CAP2: variants seen among roughly 807,000 people sequenced by gnomAD.
CAP2 encodes the protein cyclase associated actin cytoskeleton regulatory protein 2.
A neutral mutation model predicts 57.7 loss-of-function variants in CAP2; 24 were observed. That is an observed-to-expected ratio of 0.42 (90% CI 0.30 to 0.58). The LOEUF (loss-of-function observed/expected upper bound fraction) is 0.58, where lower values mean the gene tolerates loss of function less well. CAP2 is among the 20% of genes least tolerant of loss of function. The pLI, the probability that CAP2 is intolerant of heterozygous loss-of-function variation, is 0.22. For synonymous variants in CAP2, 194 were observed against 207.2 expected (o/e 0.94, Z 0.55); for missense variants, 501 against 590.3 (o/e 0.85, Z 1.57).
In CAP2 at chr6:17,460,925, A is replaced by T. The variant is rs560171730; in HGVS notation, c.223-2071A>T. Among the ~76,000 whole-genome samples the T allele has an allele frequency of 1.4e-3, 214 of 152,310 alleles. 1 individual carries two copies. The highest frequency in any genetic ancestry group is 2.7e-3 in the Non-Finnish European group (186 of 68,024). On this transcript the variant is annotated intron_variant, in intron 3 of 12. Coordinates refer to ENST00000229922, the MANE Select transcript of CAP2 (RefSeq NM_006366.3). ...CACTTTGGGAGACCAAGACAGGAGG[A>T]TCGCTTGAGCACAAGAGTTTGAGAC...
intron 4 of CAP2, 66 bp downstream of exon 4, chr6:17,463,139 G>T: frequency 1.8e-6 from 2 of 1,113,506 alleles, no homozygotes; most frequent in Non-Finnish European, 2.7e-6. Flanking sequence ...AAAACAAGGA[G>T]GCAACAGAAG....
chr6:17,431,287 C>T (rs1759725762), intron 3 of CAP2, among the ~76,000 whole-genome samples: 2 of 151,916 alleles, frequency 1.3e-5, no homozygotes, highest in South Asian at 4.2e-4. Flanking sequence ...TGTATGTGTA[C>T]CCCTGAACCT....
At position 17,466,725 on chromosome 6, in the gene CAP2, A is replaced by T. The variant is rs573185779; in HGVS notation, c.300+3652A>T. 3.9e-5 allele frequency among the ~76,000 whole-genome samples: 6 copies of T among 152,328 alleles called. No individual in the cohort carries two copies. In the South Asian group the frequency reaches 1.2e-3, roughly 32 times the overall value. On this transcript the variant is annotated intron_variant, in intron 4 of 12. Transcript: ENST00000229922. ...GAGCAGCAAGACTTTAGTCATTGCC[A>T]TCCACAATCCCAACAAGCACAGAAT...
At chr6:17,510,818 C>T (rs543959392) in intron 6 of CAP2, among the ~76,000 whole-genome samples, 2 of 152,280 alleles carry the variant, frequency 1.3e-5, no homozygotes, top group East Asian at 3.9e-4. Context: ...TCAAGCACTA[C>T]CTAGGTTTCT....
intron 1 of CAP2, among the ~76,000 whole-genome samples, chr6:17,417,271 C>T (rs1197878771): frequency 6.8e-6 from 1 of 146,360 alleles, no homozygotes; most frequent in Non-Finnish European, 1.5e-5. Flanking sequence ...TTTTTTAAAA[C>T]TGATTTTTTT....
chr6:17,551,738 GGAGCTGTCTTC>G (rs1423349582), intron 12 of CAP2, 134 bp downstream of exon 12: 4 of 657,716 alleles, frequency 6.1e-6, no homozygotes, highest in Non-Finnish European at 1.0e-5. Context: ...AGGAATTCAG[GGAGCTGTCTTC>G]CACATCTCTT....
intron 4 of CAP2, among the ~76,000 whole-genome samples, chr6:17,471,917 T>C (rs2113610073): frequency 6.6e-6 from 1 of 152,330 alleles, no homozygotes; most frequent in African/African-American, 2.4e-5. Context: ...CCCAGTGGTC[T>C]GGATTGACAG....
chr6:17,410,955 A>G (rs1029992335), intron 1 of CAP2, among the ~76,000 whole-genome samples: 1 of 152,202 alleles, frequency 6.6e-6, no homozygotes, highest in African/African-American at 2.4e-5. Flanking sequence ...TTTATATGCC[A>G]TAAAATTGAC....
At chr6:17,518,622 G>T (rs927401488) in intron 7 of CAP2, among the ~76,000 whole-genome samples, 5 of 151,846 alleles carry the variant, frequency 3.3e-5, no homozygotes, top group African/African-American at 9.7e-5. Context: ...AGTATTCAGA[G>T]ATTTTTTTTT....
intron 7 of CAP2, among the ~76,000 whole-genome samples, chr6:17,530,384 C>T (rs1280096566): frequency 6.6e-6 from 1 of 152,154 alleles, no homozygotes; most frequent in Non-Finnish European, 1.5e-5. Flanking sequence ...AGCTACTGCA[C>T]TGGGCCTAAC....
chr6:17,399,897 T>G (rs2113498381), intron 1 of CAP2, among the ~76,000 whole-genome samples: 1 of 152,266 alleles, frequency 6.6e-6, no homozygotes, highest in South Asian at 2.1e-4. Context: ...AGATGGTTCC[T>G]GGGGAAGTTA....
chr6:17,487,237 G>A (rs1211647934), intron 4 of CAP2, among the ~76,000 whole-genome samples: 1 of 152,096 alleles, frequency 6.6e-6, no homozygotes, highest in East Asian at 1.9e-4. Flanking sequence ...GACGTCCCCA[G>A]TCGCTTATCA....
intron 4 of CAP2, among the ~76,000 whole-genome samples, chr6:17,484,925 TC>T (rs1204783177): frequency 1.3e-5 from 2 of 152,230 alleles, no homozygotes; most frequent in Admixed American, 6.5e-5. Flanking sequence ...TGATTTTATT[TC>T]ACTGTCTTTG....
chr6:17,462,758 T>C (rs1200648125), intron 3 of CAP2, among the ~76,000 whole-genome samples: 1 of 152,268 alleles, frequency 6.6e-6, no homozygotes, highest in African/African-American at 2.4e-5. Context: ...CTGAATAATA[T>C]TCTGTGGTAT....
chr6:17,533,794 C>T (rs1415995588), intron 7 of CAP2, among the ~76,000 whole-genome samples: 2 of 152,094 alleles, frequency 1.3e-5, no homozygotes, highest in African/African-American at 2.4e-5. Flanking sequence ...TCTTGATCTC[C>T]TGACCTCGTG....
intron 7 of CAP2, among the ~76,000 whole-genome samples, chr6:17,530,424 A>G (rs897418890): frequency 2.0e-5 from 3 of 152,158 alleles, no homozygotes; most frequent in Non-Finnish European, 2.9e-5. Flanking sequence ...TTGGAGACCT[A>G]TAAGTTGTCA....
At chr6:17,538,783 C>T (rs1407782437) in intron 7 of CAP2, among the ~76,000 whole-genome samples, 2 of 152,222 alleles carry the variant, frequency 1.3e-5, no homozygotes, top group Non-Finnish European at 2.9e-5. Flanking sequence ...TTCTGTATCT[C>T]TCTCTTTCAC....
intron 12 of CAP2, among the ~76,000 whole-genome samples, chr6:17,552,367 G>C (rs368611820): frequency 6.6e-6 from 1 of 152,186 alleles, no homozygotes; most frequent in Non-Finnish European, 1.5e-5. Flanking sequence ...ATACAGAGAA[G>C]GCCAAGCATG....
intron 4 of CAP2, among the ~76,000 whole-genome samples, 195 bp downstream of exon 4, chr6:17,463,268 G>GTTT (rs564685741): frequency 5.7e-5 from 8 of 140,148 alleles, no homozygotes; most frequent in African/African-American, 2.1e-4. Context: ...TAGTAGACAA[G>GTTT]TTTTTTTTTT....
Sources: allele counts gnomAD v4.1 joint callset (sites outside exome capture counted in the v4.1 genomes callset), GRCh38; gene constraint gnomAD v4.1.1; transcripts MANE v1.5; gene names NCBI Gene and HGNC (gene_info 2026-07-23, HGNC 2026-07-21).